The following SLC52A2 variants were observed in gnomAD, a reference collection of about 807,000 sequenced individuals.
SLC52A2 encodes the protein solute carrier family 52 member 2, also known as solute carrier family 52, riboflavin transporter, member 2.
In SLC52A2, 16 loss-of-function variants were observed where a neutral mutation model predicts 24.8. The observed-to-expected ratio is 0.64, with a 90% CI of 0.44 to 0.98. The LOEUF (loss-of-function observed/expected upper bound fraction) is 0.98. Ranked by LOEUF, SLC52A2 falls within the 50% of genes least tolerant of loss-of-function variation. The probability of loss-of-function intolerance (pLI) is 0.00; values close to 1 mark genes in which losing one functional copy is unlikely to be tolerated. For synonymous variants in SLC52A2, 335 were observed against 276.3 expected, an observed-to-expected ratio of 1.21 and a Z score of -2.11; for missense variants, 612 against 575.9, an observed-to-expected ratio of 1.06 and a Z score of -0.64.
intron 3 of SLC52A2, 26 bp from the exon 4 acceptor site, chr8:144,360,564 C>T (rs1818806672): frequency 6.3e-7 from 1 of 1,587,596 alleles, no homozygotes; most frequent in Non-Finnish European, 8.5e-7. Context: ...CGCAGTCAGC[C>T]CTGACATTCT....
In SLC52A2 at chr8:144,359,277, G is replaced by A. The variant is rs1818657281; in HGVS notation, c.-17G>A. On this transcript the variant is annotated 5_prime_UTR_variant, in exon 2 of 5. Coordinates refer to ENST00000643944, the MANE Select transcript of SLC52A2 (RefSeq NM_001363118.2). ...GTGACCTTTGCCCTGACCTGGAAGG[G>A]CCCAGCCTTGGGCTGAATGGCAGCA... is the stretch of plus-strand genomic sequence containing the variant. 1 of 1,604,726 alleles carries A rather than the reference G, an allele frequency of 6.2e-7. No homozygotes were observed. The highest frequency in any genetic ancestry group is 1.7e-5 in the Admixed American group (1 of 59,140).
At position 144,360,241 on chromosome 8, in the gene SLC52A2, T is replaced by C; in HGVS notation, c.749T>C (p.Leu250Pro). 1.2e-6 allele frequency: 2 copies of C among 1,612,642 alleles called. No individual in the cohort carries two copies. Among genetic ancestry groups the C allele is most frequent in the Admixed American group, 1.7e-5 (1 of 60,028 alleles). The change falls in exon 3 of 5, where the codon CTG (leucine) becomes CCG (proline). Residue 250 changes from leucine (L) to proline (P), a missense_variant. Coordinates refer to ENST00000643944, the MANE Select transcript of SLC52A2 (RefSeq NM_001363118.2). Reference sequence around the variant, plus strand: ...GAAGAGGTGGAAGAGTCCTCACCACTGCAAGAGCCACCAAGCCAGGCAGCA... The same window carrying C: ...GAAGAGGTGGAAGAGTCCTCACCACCGCAAGAGCCACCAAGCCAGGCAGCA... ...AEEEVEESSPLQEPPSQAAGT... is the reference protein window; with the variant it reads ...AEEEVEESSPPQEPPSQAAGT...
chr8:144,359,227 G>A lies in SLC52A2; in HGVS notation c.-67G>A, dbSNP rs1221009652. On this transcript the variant is annotated 5_prime_UTR_variant, in exon 2 of 5. Coordinates refer to ENST00000643944, the MANE Select transcript of SLC52A2 (RefSeq NM_001363118.2). ...TCCCAGGAGAGCCAAAGCGTGTCTG[G>A]CCCTAGGTGGGAAAAGAACTGGCTG... The A allele has an allele frequency of 1.9e-6, 3 of 1,545,684 alleles. No homozygotes were observed. The highest frequency in any genetic ancestry group is 1.4e-5 in the African/African-American group (1 of 72,812).
rs1554854271 is a variant in SLC52A2, at chr8:144,360,369, G to T, written c.877G>T (p.Val293Leu). 3 of 1,608,174 alleles carry T rather than the reference G, an allele frequency of 1.9e-6. No individual in the cohort carries two copies. The African/African-American group carries it at 4.0e-5, about 21-fold the overall frequency. Reference protein sequence around the residue: ...LAATNALTNGVLPAVQSFSCL... With the variant: ...LAATNALTNGLLPAVQSFSCL... The stretch of plus-strand genomic sequence containing the variant: ...CGCCACCAACGCGCTGACCAATGGC[G>T]TGCTGCCTGCCGTGCAGAGCTTTTC... The change falls in exon 3 of 5, where the codon GTG becomes TTG. Residue 293 changes from valine to leucine, a missense_variant. Coordinates refer to ENST00000643944, the MANE Select transcript of SLC52A2 (RefSeq NM_001363118.2).
In SLC52A2 at chr8:144,360,943, T is replaced by C; in HGVS notation, c.1266T>C (p.Ala422=). The C allele has an allele frequency of 6.2e-7, 1 of 1,613,482 alleles. No individual in the cohort carries two copies. The highest frequency in any genetic ancestry group is 8.5e-7 in the Non-Finnish European group (1 of 1,179,996). The change falls in exon 5 of 5, where the codon GCT becomes GCC. Residue 422 remains alanine (A), a synonymous_variant. Coordinates refer to ENST00000643944, the MANE Select transcript of SLC52A2 (RefSeq NM_001363118.2). ...IQVGSLLGAV[A]MFPPTSIYHV... ...TGGGCTCTCTGCTCGGCGCTGTTGC[T>C]ATGTTCCCCCCGACCAGCATCTATC...
In SLC52A2 at chr8:144,359,873, C is replaced by T. The variant is rs1554853937; in HGVS notation, c.381C>T (p.Ala127=). Residue 127 remains alanine (A), a synonymous_variant, in exon 3 of 5, where the codon GCC becomes GCT. Coordinates refer to ENST00000643944, the MANE Select transcript of SLC52A2 (RefSeq NM_001363118.2). Reference sequence around the variant, plus strand: ...TTGTGCTGGCACTGGCATGCTGTGCCTCGAATGTCACTTTCCTGCCCTTCT... The same window carrying T: ...TTGTGCTGGCACTGGCATGCTGTGCTTCGAATGTCACTTTCCTGCCCTTCT... ...LAFVLALACC[A]SNVTFLPFLS... is the part of the protein sequence containing the mutation. 4 of 1,613,670 alleles carry T rather than the reference C, an allele frequency of 2.5e-6. No homozygotes were observed. The highest frequency in any genetic ancestry group is 1.3e-5 in the African/African-American group (1 of 74,930).
intron 2 of SLC52A2, 51 bp downstream of exon 2, chr8:144,359,474 G>A (rs373392657): frequency 6.2e-7 from 1 of 1,612,844 alleles, no homozygotes. Flanking sequence ...GCTGCGGTCA[G>A]TGGGATCTGG....
Position 144,358,784 on chromosome 8 carries a change from G to A in SLC52A2, c.-392G>A. 1 of 264,472 alleles carries A rather than the reference G, an allele frequency of 3.8e-6. No individual in the cohort carries two copies. Among genetic ancestry groups the A allele is most frequent in the Non-Finnish European group, 7.1e-6 (1 of 139,984 alleles). 16.4% of individuals were successfully genotyped at this position (264,472 alleles called of 1,614,324 possible). A position where few individuals can be genotyped will look rare whatever the true frequency, so the allele number is the denominator to read the frequency against. The stretch of plus-strand genomic sequence containing the variant: ...CGGCTCCCGAGTCGCCCACCTGACG[G>A]TACCGAGAGGGCGGCGCCCCTCCGA... On this transcript the variant is annotated 5_prime_UTR_variant, in exon 1 of 5. Coordinates refer to ENST00000643944, the MANE Select transcript of SLC52A2 (RefSeq NM_001363118.2).
In SLC52A2 at chr8:144,360,936, C is replaced by T. The variant is rs1554854637; in HGVS notation, c.1259C>T (p.Ala420Val). The change falls in exon 5 of 5, where the codon GCT becomes GTT. Residue 420 changes from alanine to valine, a missense_variant. By Grantham distance (64) the Ala-to-Val change is moderately conservative. Transcript: ENST00000643944. ...VAIQVGSLLGAVAMFPPTSIY... is the reference protein window; with the variant it reads ...VAIQVGSLLGVVAMFPPTSIY... ...ATCCAGGTGGGCTCTCTGCTCGGCG[C>T]TGTTGCTATGTTCCCCCCGACCAGC... 5 of 1,613,458 alleles carry T rather than the reference C, an allele frequency of 3.1e-6. No homozygotes were observed. Among genetic ancestry groups the T allele is most frequent in the Non-Finnish European group, 4.2e-6 (5 of 1,179,990 alleles).
At position 144,359,647 on chromosome 8, in the gene SLC52A2, C is replaced by T. The variant is rs397514657; in HGVS notation, c.155C>T (p.Ser52Phe). The change falls in exon 3 of 5, where the codon TCT (serine) becomes TTT (phenylalanine). Residue 52 changes from serine to phenylalanine, a missense_variant. Coordinates refer to ENST00000643944, the MANE Select transcript of SLC52A2 (RefSeq NM_001363118.2). Reference sequence around the variant, plus strand: ...GGTTGGAGCCTCCCCTCTTACGTCTCTGTGCTTGTGGCTCTGGGGAACCTG... The same window carrying T: ...GGTTGGAGCCTCCCCTCTTACGTCTTTGTGCTTGTGGCTCTGGGGAACCTG... ...PEGWSLPSYV[S>F]VLVALGNLGL... 1.7e-5 allele frequency: 27 copies of T among 1,613,764 alleles called. No homozygotes were observed. Among genetic ancestry groups the T allele is most frequent in the Non-Finnish European group, 2.1e-5 (25 of 1,179,928 alleles).
Position 144,360,514 on chromosome 8 carries a change from C to T in SLC52A2, c.1001+21C>T, listed in dbSNP as rs781912325. On this transcript the variant is annotated intron_variant, in intron 3 of 4. Transcript: ENST00000643944. Reference sequence around the variant, plus strand: ...TGCAGGTACACAAGGACCCCCAGCCCCTGTGCGGGTGGAACTCAGGGCTAG... The same window carrying T: ...TGCAGGTACACAAGGACCCCCAGCCTCTGTGCGGGTGGAACTCAGGGCTAG... 5 of 1,586,886 alleles carry T rather than the reference C, an allele frequency of 3.2e-6. No individual in the cohort carries two copies. The African/African-American group carries it at 5.4e-5, about 17-fold the overall frequency.
At position 144,359,608 on chromosome 8, in the gene SLC52A2, C is replaced by T; in HGVS notation, c.131-15C>T. 6 of 1,609,252 alleles carry T rather than the reference C, an allele frequency of 3.7e-6. No individual in the cohort carries two copies. Among genetic ancestry groups the T allele is most frequent in the Non-Finnish European group, 4.2e-6 (5 of 1,176,698 alleles). On this transcript the variant is annotated splice_polypyrimidine_tract_variant and intron_variant, in intron 2 of 4. Coordinates refer to ENST00000643944, the MANE Select transcript of SLC52A2 (RefSeq NM_001363118.2). ...GGCATCATGACCCTGACATGGCCTCCTCCCTTCCCTGCAGGTTGGAGCCTC... is the reference window on the plus strand; with the variant it reads ...GGCATCATGACCCTGACATGGCCTCTTCCCTTCCCTGCAGGTTGGAGCCTC...
chr8:144,359,768 A>G lies in SLC52A2; in HGVS notation c.276A>G (p.Thr92=). 1 of 1,613,610 alleles carries G rather than the reference A, an allele frequency of 6.2e-7. No individual in the cohort carries two copies. Residue 92 remains threonine (T), a synonymous_variant, in exon 3 of 5, where the codon ACA becomes ACG. Coordinates refer to ENST00000643944, the MANE Select transcript of SLC52A2 (RefSeq NM_001363118.2). ...TGCAGGTGCTGGGCATGGTGGGCAC[A>G]GCCCTGCTGGCCTCTCTGTGGCACC... ...RVVQVLGMVG[T]ALLASLWHHV... is the part of the protein sequence containing the mutation.
rs782692939 is a variant in SLC52A2, at chr8:144,360,437, G to T, written c.945G>T (p.Val315=). The T allele has an allele frequency of 1.9e-6, 3 of 1,605,480 alleles. No individual in the cohort carries two copies. Among genetic ancestry groups the T allele is most frequent in the Admixed American group, 3.3e-5 (2 of 59,996 alleles). Residue 315 remains valine (V), a synonymous_variant, in exon 3 of 5, where the codon GTG becomes GTT. Transcript: ENST00000643944. ...GTCTGGCCTACCACCTGGCTGTGGTGCTGGGCAGTGCTGCCAATCCCCTGG... is the reference window on the plus strand; with the variant it reads ...GTCTGGCCTACCACCTGGCTGTGGTTCTGGGCAGTGCTGCCAATCCCCTGG... ...YGRLAYHLAV[V]LGSAANPLAC... is the part of the protein sequence containing the mutation.
At position 144,360,931 on chromosome 8, in the gene SLC52A2, C is replaced by T. The variant is rs782310901; in HGVS notation, c.1254C>T (p.Leu418=). 5.5e-5 allele frequency: 89 copies of T among 1,613,284 alleles called. 1 individual carries two copies. The highest frequency in any genetic ancestry group is 2.2e-4 in the South Asian group (20 of 91,076). ...AGVAIQVGSL[L]GAVAMFPPTS... ...TGGCCATCCAGGTGGGCTCTCTGCT[C>T]GGCGCTGTTGCTATGTTCCCCCCGA... is the stretch of plus-strand genomic sequence containing the variant. Residue 418 remains leucine (L), a synonymous_variant, in exon 5 of 5, where the codon CTC becomes CTT. Coordinates refer to ENST00000643944, the MANE Select transcript of SLC52A2 (RefSeq NM_001363118.2).
In SLC52A2 at chr8:144,360,034, CT is replaced by C; in HGVS notation, c.543del (p.Gly182AlafsTer19). ...CCGCCAGCCCCCATCAACGGCACCC[CT>C]GGCCCCCCGCTCGACTTCCTTGAGC... ...ECPPAPINGTPGPPLDFLERF... is the reference protein window; with the variant it reads ...ECPPAPINGTXGPPLDFLERF... On this transcript the variant is annotated frameshift_variant, in exon 3 of 5. Coordinates refer to ENST00000643944, the MANE Select transcript of SLC52A2 (RefSeq NM_001363118.2). LOFTEE classifies it high-confidence loss of function. 6.2e-7 allele frequency: 1 copy of C among 1,612,942 alleles called. No homozygotes were observed. The highest frequency in any genetic ancestry group is 8.5e-7 in the Non-Finnish European group (1 of 1,180,010).
In SLC52A2 at chr8:144,360,236, A is replaced by T. The variant is rs1586556053; in HGVS notation, c.744A>T (p.Ser248=). 1 of 1,612,548 alleles carries T rather than the reference A, an allele frequency of 6.2e-7. No homozygotes were observed. The highest frequency in any genetic ancestry group is 8.5e-7 in the Non-Finnish European group (1 of 1,179,974). Reference sequence around the variant, plus strand: ...CAGAGGAAGAGGTGGAAGAGTCCTCACCACTGCAAGAGCCACCAAGCCAGG... The same window carrying T: ...CAGAGGAAGAGGTGGAAGAGTCCTCTCCACTGCAAGAGCCACCAAGCCAGG... The part of the protein sequence containing the change: ...PGAEEEVEES[S]PLQEPPSQAA... The change falls in exon 3 of 5, where the codon TCA becomes TCT. Residue 248 remains serine (S), a synonymous_variant. Coordinates refer to ENST00000643944, the MANE Select transcript of SLC52A2 (RefSeq NM_001363118.2).
chr8:144,359,256 C>T lies in SLC52A2; in HGVS notation c.-38C>T, dbSNP rs1036888266. Reference sequence around the variant, plus strand: ...TAGGTGGGAAAAGAACTGGCTGTGACCTTTGCCCTGACCTGGAAGGGCCCA... The same window carrying T: ...TAGGTGGGAAAAGAACTGGCTGTGATCTTTGCCCTGACCTGGAAGGGCCCA... On this transcript the variant is annotated 5_prime_UTR_variant, in exon 2 of 5. Coordinates refer to ENST00000643944, the MANE Select transcript of SLC52A2 (RefSeq NM_001363118.2). 4 of 1,587,896 alleles carry T rather than the reference C, an allele frequency of 2.5e-6. No individual in the cohort carries two copies. The highest frequency in any genetic ancestry group is 2.6e-6 in the Non-Finnish European group (3 of 1,167,644).
In SLC52A2 at chr8:144,360,510, A is replaced by G; in HGVS notation, c.1001+17A>G. Reference sequence around the variant, plus strand: ...GCTGTGCAGGTACACAAGGACCCCCAGCCCCTGTGCGGGTGGAACTCAGGG... The same window carrying G: ...GCTGTGCAGGTACACAAGGACCCCCGGCCCCTGTGCGGGTGGAACTCAGGG... On this transcript the variant is annotated intron_variant, in intron 3 of 4. Transcript: ENST00000643944. The G allele has an allele frequency of 6.3e-7, 1 of 1,588,368 alleles. No individual in the cohort carries two copies. The highest frequency in any genetic ancestry group is 1.3e-5 in the African/African-American group (1 of 74,800).
Sources: gnomAD v4.1 joint callset for allele counts on GRCh38, gnomAD v4.1.1 for gene constraint, MANE v1.5 for transcripts, NCBI Gene and HGNC (gene_info 2026-07-23, HGNC 2026-07-21) for gene names.